Variants in ABCB1 observed in about 807,000 individuals in gnomAD.
ABCB1 encodes the protein ATP-dependent translocase ABCB1.
ABCB1 carries 69 observed loss-of-function variants against 142.0 expected under a neutral mutation model. That is an observed-to-expected ratio of 0.49 (90% CI 0.40 to 0.59). ABCB1 has a LOEUF of 0.59. Among genes scored for constraint, ABCB1 ranks in the 20% least tolerant of loss-of-function variants. The pLI, the probability that ABCB1 is intolerant of heterozygous loss-of-function variation, is 0.00. For synonymous variants in ABCB1, 532 were observed against 539.2 expected (o/e 0.99, Z 0.18); for missense variants, 1,326 against 1,554.7 (o/e 0.85, Z 2.47).
intron 1 of ABCB1, among the ~76,000 whole-genome samples, chr7:87,611,006 T>C (rs1314947229): frequency 6.6e-6 from 1 of 152,238 alleles, no homozygotes; most frequent in African/African-American, 2.4e-5. Flanking sequence ...CATTTTCTCT[T>C]ACTTGGGCTA....
At chr7:87,564,489 TG>T (rs1191940507) in intron 7 of ABCB1, among the ~76,000 whole-genome samples, 1 of 152,128 alleles carries the variant, frequency 6.6e-6, no homozygotes, top group Non-Finnish European at 1.5e-5. Flanking sequence ...AAGACAGTCT[TG>T]GGCACAAAGT....
At chr7:87,667,696 C>T (rs1045423731) in intron 1 of ABCB1, among the ~76,000 whole-genome samples, 2 of 151,822 alleles carry the variant, frequency 1.3e-5, no homozygotes, top group Admixed American at 1.3e-4. Flanking sequence ...TAACATGAAG[C>T]GGTGTTGAAT....
At chr7:87,515,151 G>A in intron 25 of ABCB1, 80 bp downstream of exon 25, 7 of 1,536,282 alleles carry the variant, frequency 4.6e-6, no homozygotes, top group Non-Finnish European at 8.9e-7. Context: ...AAAAAACATG[G>A]CTTATAGTTG....
intron 1 of ABCB1, chr7:87,713,115 T>G (rs201395376): frequency 6.6e-6 from 1 of 152,212 alleles, no homozygotes; most frequent in Non-Finnish European, 1.5e-5. Context: ...TTCATAAGAT[T>G]AGATTTGTAA....
At chr7:87,552,823 A>G (rs1294119736) in intron 9 of ABCB1, among the ~76,000 whole-genome samples, 1 of 151,956 alleles carries the variant, frequency 6.6e-6, no homozygotes, top group East Asian at 1.9e-4. Context: ...GCCTCAATCT[A>G]TTTCTGCTTG....
chr7:87,543,973 C>G (rs890458040), intron 17 of ABCB1, among the ~76,000 whole-genome samples, 156 bp downstream of exon 17: 1 of 152,178 alleles, frequency 6.6e-6, no homozygotes, highest in Non-Finnish European at 1.5e-5. Context: ...CTATCACAAA[C>G]CAGACTGCTA....
At chr7:87,566,726 A>G (rs1817796802) in intron 6 of ABCB1, 59 bp downstream of exon 6, 1 of 1,512,284 alleles carries the variant, frequency 6.6e-7, no homozygotes, top group East Asian at 2.3e-5. Context: ...GATGACATCT[A>G]TTTCATTTTA....
chr7:87,710,773 T>A, intron 1 of ABCB1: 1 of 544,708 alleles, frequency 1.8e-6, no homozygotes, highest in Non-Finnish European at 3.2e-6. Context: ...TTTCCTCCTT[T>A]TGTTACTACT....
Position 87,549,212 on chromosome 7 carries a change from C to A in ABCB1, c.1725+136G>T, listed in dbSNP as rs28381903. On this transcript the variant is annotated intron_variant, in intron 14 of 27. Coordinates refer to ENST00000622132, the MANE Select transcript of ABCB1 (RefSeq NM_001348946.2). ...AAAAAGATTTCAAAGAGGCCCAATGCTTTTATTTTAATAGCTGAAGGAATC... is the reference window on the plus strand; with the variant it reads ...AAAAAGATTTCAAAGAGGCCCAATGATTTTATTTTAATAGCTGAAGGAATC... 16,571 of 985,398 alleles carry A rather than the reference C, an allele frequency of 0.017. 259 individuals carry two copies. The highest frequency in any genetic ancestry group is 0.061 in the African/African-American group (3,706 of 60,830). The allele number at this position is 985,398 out of a possible 1,614,324, so 61.0% of individuals were successfully genotyped here. A position where few individuals can be genotyped will look rare whatever the true frequency, so the allele number is the denominator to read the frequency against.
chr7:87,536,538 C>T lies in ABCB1; in HGVS notation c.2401G>A (p.Val801Met), dbSNP rs2235039. 12 of 1,613,830 alleles carry T rather than the reference C, an allele frequency of 7.4e-6. No individual in the cohort carries two copies. The highest frequency in any genetic ancestry group is 2.7e-5 in the African/African-American group (2 of 75,008). The change falls in exon 20 of 28, where the codon GTG becomes ATG. Residue 801 changes from valine to methionine, a missense_variant. Coordinates refer to ENST00000622132, the MANE Select transcript of ABCB1 (RefSeq NM_001348946.2). ...MVFRSMLRQD[V>M]SWFDDPKNTT... ...TTTTTAGGGTCATCAAACCAACTCA[C>T]ATCCTGTGGCACAGAAAATGATTTT...
chr7:87,592,160 G>A (rs1287282979), intron 3 of ABCB1, among the ~76,000 whole-genome samples: 1 of 152,218 alleles, frequency 6.6e-6, no homozygotes, highest in Admixed American at 6.5e-5. Flanking sequence ...GTGGCTCCAT[G>A]AAGGGCATCA....
intron 1 of ABCB1, among the ~76,000 whole-genome samples, chr7:87,615,677 T>C (rs1820011003): frequency 6.6e-6 from 1 of 152,144 alleles, no homozygotes; most frequent in Non-Finnish European, 1.5e-5. Flanking sequence ...CCAACAAGAT[T>C]GCAAAAGGCC....
chr7:87,565,088 A>C (rs1394704176), intron 7 of ABCB1, among the ~76,000 whole-genome samples: 1 of 152,260 alleles, frequency 6.6e-6, no homozygotes, highest in Non-Finnish European at 1.5e-5. Context: ...CCTATACTTC[A>C]GAAAGATAAC....
intron 1 of ABCB1, among the ~76,000 whole-genome samples, chr7:87,687,844 G>A (rs948853335): frequency 3.9e-5 from 6 of 152,122 alleles, no homozygotes; most frequent in Non-Finnish European, 7.4e-5. Flanking sequence ...ACCTCCCCAT[G>A]AGGCCATCTT....
At position 87,550,695 on chromosome 7, in the gene ABCB1, T is replaced by C. The variant is rs764556549; in HGVS notation, c.1113+30A>G. 29 of 1,560,522 alleles carry C rather than the reference T, an allele frequency of 1.9e-5. No individual in the cohort carries two copies. In the South Asian group the frequency reaches 2.7e-4, roughly 14 times the overall value. On this transcript the variant is annotated intron_variant, in intron 10 of 27. Transcript: ENST00000622132. ...TGACTTAACTGGACAATCTTTTAGA[T>C]AGGTGGATAGATGGCCAACTCAGAC...
chr7:87,566,223 A>G lies in ABCB1; in HGVS notation c.549T>C (p.Asn183=), dbSNP rs772090347. The change falls in exon 7 of 28, where the codon AAT becomes AAC. Residue 183 remains asparagine (N), a synonymous_variant. Coordinates refer to ENST00000622132, the MANE Select transcript of ABCB1 (RefSeq NM_001348946.2). ...TRLTDDVSKI[N]EGIGDKIGMF... Reference sequence around the variant, plus strand: ...TTCCAATTTTGTCACCAATTCCTTCATTAATCTTGGAGACATCACTGAAAG... The same window carrying G: ...TTCCAATTTTGTCACCAATTCCTTCGTTAATCTTGGAGACATCACTGAAAG... 4 of 1,614,060 alleles carry G rather than the reference A, an allele frequency of 2.5e-6. No individual in the cohort carries two copies. Among genetic ancestry groups the G allele is most frequent in the Non-Finnish European group, 3.4e-6 (4 of 1,179,892 alleles).
intron 17 of ABCB1, among the ~76,000 whole-genome samples, chr7:87,542,098 A>G (rs1281620349): frequency 6.6e-6 from 1 of 152,190 alleles, no homozygotes. Flanking sequence ...GAAAACACGT[A>G]TCTCCCTTCA....
At chr7:87,523,307 T>C (rs11979702) in intron 21 of ABCB1, among the ~76,000 whole-genome samples, 1 of 152,074 alleles carries the variant, frequency 6.6e-6, no homozygotes, top group Non-Finnish European at 1.5e-5. Context: ...TTTTAAGGAA[T>C]GTGGCACATA....
At chr7:87,634,831 C>G (rs1457555893) in intron 1 of ABCB1, among the ~76,000 whole-genome samples, 1 of 152,084 alleles carries the variant, frequency 6.6e-6, no homozygotes, top group African/African-American at 2.4e-5. Context: ...TAGTTATATA[C>G]CTTGGAAGCA....
Sources: allele counts gnomAD v4.1 joint callset (sites outside exome capture counted in the v4.1 genomes callset), GRCh38; gene constraint gnomAD v4.1.1; transcripts MANE v1.5; gene names NCBI Gene and HGNC (gene_info 2026-07-23, HGNC 2026-07-21).